The following TMEM178B variants were observed in gnomAD, a reference collection of about 807,000 sequenced individuals.
TMEM178B encodes the protein transmembrane protein 178B.
Under a neutral mutation model 31.0 loss-of-function variants are expected in TMEM178B, and 5 were observed. That is an observed-to-expected ratio of 0.16 (90% confidence interval 0.08 to 0.34). The LOEUF (loss-of-function observed/expected upper bound fraction) is 0.34. Ranked by LOEUF, TMEM178B falls within the 10% of genes least tolerant of loss-of-function variation. TMEM178B has a pLI of 1.00. For missense variants in TMEM178B, 275 were observed against 400.3 expected (o/e 0.69, Z 2.67); for synonymous variants, 164 against 164.0 (o/e 1.00, Z 0.00).
intron 2 of TMEM178B, among the ~76,000 whole-genome samples, chr7:141,332,513 C>T (rs925908959): frequency 6.6e-6 from 1 of 152,192 alleles, no homozygotes; most frequent in Non-Finnish European, 1.5e-5. Flanking sequence ...TTCCTCTGTA[C>T]ACAACTCCCT....
intron 1 of TMEM178B, among the ~76,000 whole-genome samples, chr7:141,144,787 A>G (rs1291406884): frequency 6.6e-6 from 1 of 152,132 alleles, no homozygotes; most frequent in Non-Finnish European, 1.5e-5. Flanking sequence ...AGGTGGGAGC[A>G]AGAGTGAAGG....
intron 1 of TMEM178B, among the ~76,000 whole-genome samples, chr7:141,089,322 G>A (rs1000616732): frequency 6.6e-6 from 1 of 152,202 alleles, no homozygotes; most frequent in African/African-American, 2.4e-5. Flanking sequence ...GAGGTAGGGG[G>A]CCGAGATGGG....
intron 1 of TMEM178B, among the ~76,000 whole-genome samples, chr7:141,090,691 A>G (rs1486982639): frequency 6.6e-6 from 1 of 152,186 alleles, no homozygotes; most frequent in African/African-American, 2.4e-5. Flanking sequence ...ATCTGTCCCT[A>G]TTGTGGTAGG....
At chr7:141,153,983 C>A (rs952625512) in intron 1 of TMEM178B, among the ~76,000 whole-genome samples, 1 of 152,134 alleles carries the variant, frequency 6.6e-6, no homozygotes, top group Non-Finnish European at 1.5e-5. Flanking sequence ...AAAATCAATT[C>A]TTTTACTCAT....
intron 1 of TMEM178B, among the ~76,000 whole-genome samples, chr7:141,102,186 G>T (rs572888395): frequency 3.9e-4 from 60 of 152,202 alleles, no homozygotes; most frequent in Non-Finnish European, 6.5e-4. Flanking sequence ...ACTATTAAAG[G>T]GTTCAGCCAA....
At chr7:141,134,593 A>G (rs1795645265) in intron 1 of TMEM178B, among the ~76,000 whole-genome samples, 1 of 152,214 alleles carries the variant, frequency 6.6e-6, no homozygotes, top group African/African-American at 2.4e-5. Flanking sequence ...AACTGCAATG[A>G]TAAACATTAA....
At chr7:141,281,624 C>T (rs1798361434) in intron 2 of TMEM178B, among the ~76,000 whole-genome samples, 1 of 152,158 alleles carries the variant, frequency 6.6e-6, no homozygotes, top group Non-Finnish European at 1.5e-5. Context: ...CCTGTTTGTC[C>T]TGTGTGCTAC....
chr7:141,419,214 C>T (rs1346527483), intron 2 of TMEM178B, among the ~76,000 whole-genome samples: 1 of 152,038 alleles, frequency 6.6e-6, no homozygotes, highest in Non-Finnish European at 1.5e-5. Context: ...CTGGCCCCGT[C>T]CTTGCTTTCC....
At chr7:141,457,125 G>C (rs1180517520) in intron 3 of TMEM178B, among the ~76,000 whole-genome samples, 1 of 152,170 alleles carries the variant, frequency 6.6e-6, no homozygotes, top group Non-Finnish European at 1.5e-5. Context: ...GCCAAGTGGA[G>C]TGGGCTAGAG....
At chr7:141,494,767 A>G in the TMEM178B span, among the ~76,000 whole-genome samples, 1 of 152,188 alleles carries the variant, frequency 6.6e-6, no homozygotes, top group Non-Finnish European at 1.5e-5. Flanking sequence ...AATTATGTTA[A>G]TTATTTTAGG....
At chr7:141,503,421 G>A in the TMEM178B span, among the ~76,000 whole-genome samples, 1 of 152,320 alleles carries the variant, frequency 6.6e-6, no homozygotes, top group Non-Finnish European at 1.5e-5. Context: ...TCTCCTATAA[G>A]GAGTAGTGGG....
In TMEM178B at chr7:141,459,121, C is replaced by T. The variant is rs139080962; in HGVS notation, c.635-11415C>T. On this transcript the variant is annotated intron_variant, in intron 3 of 3. Coordinates refer to ENST00000565468, the MANE Select transcript of TMEM178B (RefSeq NM_001195278.2). ...CTCGGCTCACTGCAACCTCCGCCTC[C>T]GGGGTTCAAGCAATTCTCCTGCCTC... Among the ~76,000 whole-genome samples, 460 of 152,274 alleles carry T rather than the reference C, an allele frequency of 3.0e-3. 7 individuals carry two copies. The highest frequency in any genetic ancestry group is 0.01 in the African/African-American group (436 of 41,550).
At chr7:141,211,295 C>T (rs997457692) in intron 1 of TMEM178B, among the ~76,000 whole-genome samples, 16 of 152,186 alleles carry the variant, frequency 1.1e-4, no homozygotes, top group Non-Finnish European at 1.9e-4. Context: ...TGGACAGCGT[C>T]AGTCCCATGG....
chr7:141,152,161 CAAAG>C (rs1197549311), intron 1 of TMEM178B, among the ~76,000 whole-genome samples: 7 of 152,158 alleles, frequency 4.6e-5, no homozygotes, highest in African/African-American at 1.7e-4. Context: ...GCCAGGAGAC[CAAAG>C]TCAGCATTCA....
In TMEM178B at chr7:141,287,303, C is replaced by A. The variant is rs112277952; in HGVS notation, c.496+74599C>A. Among the ~76,000 whole-genome samples, 920 of 152,252 alleles carry A rather than the reference C, an allele frequency of 6.0e-3. 9 individuals are homozygous for A. The highest frequency in any genetic ancestry group is 0.021 in the African/African-American group (863 of 41,528). ...AACAAGTGGATAGGACTCTATACTG[C>A]ACATTTTATTATTGGTCTTATTTAT... On this transcript the variant is annotated intron_variant, in intron 2 of 3. Transcript: ENST00000565468.
At position 141,477,740 on chromosome 7, in the gene TMEM178B, A is replaced by T. The variant is rs1802399837; in HGVS notation, c.*6954A>T. ...TTGTGTATTTTGCTGCTATTTCTAGAGAGACTTTGAGCCCTTGCTAGTGCG... is the reference window on the plus strand; with the variant it reads ...TTGTGTATTTTGCTGCTATTTCTAGTGAGACTTTGAGCCCTTGCTAGTGCG... On this transcript the variant is annotated 3_prime_UTR_variant, in exon 4 of 4. Coordinates refer to ENST00000565468, the MANE Select transcript of TMEM178B (RefSeq NM_001195278.2). 6.6e-6 allele frequency: 1 copy of T among 152,066 alleles called. No individual in the cohort carries two copies. The highest frequency in any genetic ancestry group is 2.4e-5 in the African/African-American group (1 of 41,368). 9.4% of individuals were successfully genotyped at this position (152,066 alleles called of 1,614,324 possible). A position where few individuals can be genotyped will look rare whatever the true frequency, so the allele number is the denominator to read the frequency against.
At chr7:141,408,017 G>C (rs1800915936) in intron 2 of TMEM178B, among the ~76,000 whole-genome samples, 1 of 152,170 alleles carries the variant, frequency 6.6e-6, no homozygotes, top group Admixed American at 6.5e-5. Context: ...GAGGACCAGA[G>C]ACTTTACACA....
At chr7:141,349,045 T>A (rs1799666440) in intron 2 of TMEM178B, among the ~76,000 whole-genome samples, 1 of 152,200 alleles carries the variant, frequency 6.6e-6, no homozygotes, top group South Asian at 2.1e-4. Context: ...ATATAGTTTA[T>A]GTATATTTTG....
At chr7:141,083,490 G>GAGA (rs1563083038) in intron 1 of TMEM178B, among the ~76,000 whole-genome samples, 2 of 116,006 alleles carry the variant, frequency 1.7e-5, no homozygotes, top group Admixed American at 1.9e-4. Flanking sequence ...AGGAAGGGAG[G>GAGA]GAGAGAGAGA....
Sources: gnomAD v4.1 joint callset for allele counts (sites outside exome capture counted in the v4.1 genomes callset) on GRCh38, gnomAD v4.1.1 for gene constraint, MANE v1.5 for transcripts, NCBI Gene and HGNC (gene_info 2026-07-23, HGNC 2026-07-21) for gene names.